PKP4: variants seen among roughly 807,000 people sequenced by gnomAD.
The protein encoded by PKP4 is plakophilin-4.
A neutral mutation model predicts 145.1 loss-of-function variants in PKP4; 90 were observed. The ratio of observed to expected loss-of-function variants is 0.62; its 90% CI spans 0.52 to 0.74. The LOEUF is 0.74. PKP4 is among the 30% of genes least tolerant of loss of function. The probability of loss-of-function intolerance (pLI) is 0.00; values close to 1 mark genes in which losing one functional copy is unlikely to be tolerated. For missense variants in PKP4, 1,340 were observed against 1,482.7 expected (o/e 0.90, Z 1.58); for synonymous variants, 563 against 577.2 (o/e 0.98, Z 0.35).
intron 1 of PKP4, among the ~76,000 whole-genome samples, chr2:158,486,495 A>G (rs35315402): frequency 1.3e-5 from 2 of 152,250 alleles, no homozygotes; most frequent in African/African-American, 4.8e-5. Flanking sequence ...TGAGACCCAT[A>G]AGACCTACAG....
intron 16 of PKP4, among the ~76,000 whole-genome samples, chr2:158,668,322 C>T (rs973003400): frequency 6.6e-6 from 1 of 152,180 alleles, no homozygotes; most frequent in Non-Finnish European, 1.5e-5. Context: ...TTCCTAGGAA[C>T]CTTCCCCTTC....
intron 3 of PKP4, among the ~76,000 whole-genome samples, chr2:158,600,962 C>T (rs1042945161): frequency 2.6e-5 from 4 of 152,162 alleles, no homozygotes; most frequent in African/African-American, 9.7e-5. Flanking sequence ...TTGATTGTTA[C>T]ACAACGAGGT....
At chr2:158,489,468 G>A (rs1465340537) in intron 1 of PKP4, among the ~76,000 whole-genome samples, 1 of 152,168 alleles carries the variant, frequency 6.6e-6, no homozygotes, top group Non-Finnish European at 1.5e-5. Context: ...CTCCAGTGGA[G>A]TTGGTATGTC....
intron 1 of PKP4, among the ~76,000 whole-genome samples, chr2:158,529,226 A>G (rs1438764624): frequency 6.6e-6 from 1 of 152,240 alleles, no homozygotes; most frequent in Non-Finnish European, 1.5e-5. Flanking sequence ...CAGTAATAAT[A>G]CAGGTTAATA....
At chr2:158,639,341 T>TGTGC (rs1402004897) in intron 9 of PKP4, among the ~76,000 whole-genome samples, 21 of 151,858 alleles carry the variant, frequency 1.4e-4, no homozygotes, top group East Asian at 9.7e-4. Flanking sequence ...TGTGTGTGTG[T>TGTGC]GCGTGCGTGT....
intron 1 of PKP4, among the ~76,000 whole-genome samples, chr2:158,467,590 A>G (rs866949085): frequency 1.2e-4 from 18 of 150,976 alleles, no homozygotes; most frequent in Non-Finnish European, 2.5e-4. Flanking sequence ...TCGCTCCTGT[A>G]ATCTAAGCAC....
intron 4 of PKP4, among the ~76,000 whole-genome samples, chr2:158,618,619 C>T (rs2051882716): frequency 6.6e-6 from 1 of 152,106 alleles, no homozygotes; most frequent in African/African-American, 2.4e-5. Context: ...AATAGCTTCT[C>T]ATAAGGAAGA....
At position 158,554,539 on chromosome 2, in the gene PKP4, T is replaced by C. The variant is rs549903418; in HGVS notation, c.132+21223T>C. 1.9e-4 allele frequency among the ~76,000 whole-genome samples: 29 copies of C among 151,898 alleles called. No homozygotes were observed. In the South Asian group the frequency reaches 4.4e-3, roughly 23 times the overall value. On this transcript the variant is annotated intron_variant, in intron 2 of 21. Coordinates refer to ENST00000389759, the MANE Select transcript of PKP4 (RefSeq NM_003628.6). ...CTTCCAGGTTCACACCATTCTCCTGTCTCAGCCTCCCGAGTAGCTGGGACT... is the reference window on the plus strand; with the variant it reads ...CTTCCAGGTTCACACCATTCTCCTGCCTCAGCCTCCCGAGTAGCTGGGACT...
chr2:158,548,729 A>T, intron 2 of PKP4: 1 of 269,518 alleles, frequency 3.7e-6, no homozygotes, highest in Non-Finnish European at 6.8e-6. Context: ...GCTGGCCCAT[A>T]AGTACTGACC....
At chr2:158,572,946 A>G (rs1308114635) in intron 2 of PKP4, among the ~76,000 whole-genome samples, 4 of 152,224 alleles carry the variant, frequency 2.6e-5, no homozygotes, top group African/African-American at 4.8e-5. Context: ...TAACCTGACA[A>G]TCATTATCAA....
At chr2:158,616,095 T>C (rs2051581993) in intron 4 of PKP4, among the ~76,000 whole-genome samples, 1 of 152,232 alleles carries the variant, frequency 6.6e-6, no homozygotes, top group African/African-American at 2.4e-5. Context: ...GTATGTGTAA[T>C]ATTCTTAAAA....
intron 2 of PKP4, among the ~76,000 whole-genome samples, chr2:158,563,662 A>G (rs796999551): frequency 1.2e-4 from 18 of 152,150 alleles, no homozygotes; most frequent in African/African-American, 4.1e-4. Context: ...CAAGTATATC[A>G]CAACCTCAGC....
At chr2:158,633,729 C>T (rs2053583185) in intron 8 of PKP4, among the ~76,000 whole-genome samples, 1 of 152,044 alleles carries the variant, frequency 6.6e-6, no homozygotes, top group Non-Finnish European at 1.5e-5. Flanking sequence ...TTGTTTTTAC[C>T]ACTAGAATGA....
intron 1 of PKP4, among the ~76,000 whole-genome samples, chr2:158,459,757 T>C (rs535940501): frequency 1.3e-5 from 2 of 151,774 alleles, no homozygotes; most frequent in South Asian, 2.1e-4. Flanking sequence ...CCTGCCGCAT[T>C]AGAAATTGAA....
At chr2:158,624,856 T>C (rs764492487) in intron 6 of PKP4, 22 bp from the exon 7 acceptor site, 6 of 1,541,750 alleles carry the variant, frequency 3.9e-6, no homozygotes, top group Non-Finnish European at 5.3e-6. Flanking sequence ...ACCCATTCTC[T>C]TTTTTCCCCC....
At chr2:158,623,263 C>A (rs2052428756) in intron 6 of PKP4, among the ~76,000 whole-genome samples, 1 of 152,074 alleles carries the variant, frequency 6.6e-6, no homozygotes, top group Non-Finnish European at 1.5e-5. Flanking sequence ...AGTCTCAATC[C>A]CCTGGGCTCA....
At chr2:158,566,774 CATAA>C (rs2047022626) in intron 2 of PKP4, among the ~76,000 whole-genome samples, 1 of 152,064 alleles carries the variant, frequency 6.6e-6, no homozygotes, top group Non-Finnish European at 1.5e-5. Flanking sequence ...GAATTTTAAA[CATAA>C]ATTAATAAAA....
At chr2:158,656,266 A>G (rs78701698) in intron 11 of PKP4, among the ~76,000 whole-genome samples, 12,222 of 152,216 alleles carry the variant, frequency 0.08, 695 homozygotes, top group Middle Eastern at 0.22. Context: ...AGCACTTTAT[A>G]TAGAAGCATG....
chr2:158,593,744 C>T (rs938547206), intron 3 of PKP4, among the ~76,000 whole-genome samples: 1 of 152,082 alleles, frequency 6.6e-6, no homozygotes, highest in East Asian at 1.9e-4. Flanking sequence ...CCCTGGAATG[C>T]GTTTTAGACA....
Sources: gnomAD v4.1 joint callset for allele counts (sites outside exome capture counted in the v4.1 genomes callset) on GRCh38, gnomAD v4.1.1 for gene constraint, MANE v1.5 for transcripts, NCBI Gene and HGNC (gene_info 2026-07-23, HGNC 2026-07-21) for gene names.